The following CEP152 variants were observed in gnomAD, a reference collection of about 807,000 sequenced individuals.
CEP152 encodes centrosomal protein of 152 kDa.
In CEP152, 132 loss-of-function variants were observed where a neutral mutation model predicts 188.9. The observed-to-expected ratio is 0.70, with a 90% CI of 0.61 to 0.81. The LOEUF is 0.81. CEP152 is among the 30% of genes least tolerant of loss of function. The pLI is 0.00. For missense variants in CEP152, 1,914 were observed against 1,969.8 expected, an observed-to-expected ratio of 0.97 and a Z score of 0.54; for synonymous variants, 649 against 666.6, an observed-to-expected ratio of 0.97 and a Z score of 0.41.
intron 2 of CEP152, among the ~76,000 whole-genome samples, chr15:48,802,163 A>G (rs1204939662): frequency 6.6e-5 from 10 of 152,316 alleles, no homozygotes; most frequent in Non-Finnish European, 1.2e-4. Flanking sequence ...TTAGGTGAAA[A>G]GCATTTTTGC....
intron 20 of CEP152, 29 bp downstream of exon 20, chr15:48,755,874 A>C (rs1179004696): frequency 1.2e-6 from 2 of 1,612,444 alleles, no homozygotes; most frequent in Admixed American, 3.3e-5. Flanking sequence ...CTTGGTGTTC[A>C]ATACCTTCTC....
At chr15:48,787,233 T>C (rs1354934029) in intron 9 of CEP152, among the ~76,000 whole-genome samples, 1 of 140,106 alleles carries the variant, frequency 7.1e-6, no homozygotes, top group Non-Finnish European at 1.5e-5. Flanking sequence ...AGTGGTGCAA[T>C]CATGGCTCAC....
chr15:48,758,096 A>G (rs1415589488), intron 19 of CEP152, among the ~76,000 whole-genome samples: 2 of 152,200 alleles, frequency 1.3e-5, no homozygotes, highest in East Asian at 3.9e-4. Flanking sequence ...ATACAAAACA[A>G]AGTTTAAGGG....
chr15:48,787,108 A>G (rs952369327), intron 9 of CEP152, among the ~76,000 whole-genome samples: 1 of 150,384 alleles, frequency 6.6e-6, no homozygotes, highest in African/African-American at 2.4e-5. Flanking sequence ...CTACATCTCA[A>G]ATTCTGTTTA....
intron 18 of CEP152, among the ~76,000 whole-genome samples, 160 bp from the exon 19 acceptor site, chr15:48,760,426 T>A (rs943331419): frequency 1.8e-4 from 28 of 152,220 alleles, no homozygotes; most frequent in Non-Finnish European, 3.5e-4. Flanking sequence ...AACAGTGGAT[T>A]CTAATCCTTT....
At chr15:48,743,588 C>A (rs1566976006) in intron 24 of CEP152, among the ~76,000 whole-genome samples, 1 of 152,168 alleles carries the variant, frequency 6.6e-6, no homozygotes, top group Non-Finnish European at 1.5e-5. Context: ...GGAGGCCGGG[C>A]ACAGTGGCTC....
chr15:48,794,282 G>T (rs1228256396), intron 6 of CEP152, among the ~76,000 whole-genome samples: 2 of 152,080 alleles, frequency 1.3e-5, no homozygotes, highest in Non-Finnish European at 2.9e-5. Flanking sequence ...AAAAAGGATT[G>T]GTAGGTATGC....
Position 48,782,229 on chromosome 15 carries a change from C to T in CEP152, c.1323G>A (p.Gly441=). The T allele has an allele frequency of 1.2e-6, 2 of 1,613,620 alleles. No homozygotes were observed. The highest frequency in any genetic ancestry group is 1.7e-6 in the Non-Finnish European group (2 of 1,179,694). The change falls in exon 11 of 27, where the codon GGG becomes GGA. Residue 441 remains glycine (G), a splice_region_variant and synonymous_variant. Coordinates refer to ENST00000380950, the MANE Select transcript of CEP152 (RefSeq NM_001194998.2). The part of the protein sequence containing the change: ...QKQCAHLLQS[G]SVQEVAQLQF... ...GTAGCTGAGCCACCTCTTGTACTGA[C>T]CCTGCAGAGGAAAGAACCATAGGAT...
intron 7 of CEP152, among the ~76,000 whole-genome samples, chr15:48,791,747 C>A (rs1316795860): frequency 6.6e-6 from 1 of 151,720 alleles, no homozygotes; most frequent in African/African-American, 2.4e-5. Flanking sequence ...GAACTCCTAA[C>A]CTCAAGTGAT....
intron 20 of CEP152, among the ~76,000 whole-genome samples, chr15:48,753,444 T>C (rs370051989): frequency 6.6e-6 from 1 of 152,232 alleles, no homozygotes; most frequent in Non-Finnish European, 1.5e-5. Context: ...ATACTATATA[T>C]GCCTGATTCT....
chr15:48,790,819 C>T (rs557472607), intron 8 of CEP152, among the ~76,000 whole-genome samples: 28 of 152,294 alleles, frequency 1.8e-4, no homozygotes, highest in African/African-American at 6.5e-4. Context: ...TCGACCGCCT[C>T]GGCTTCCCAA....
At chr15:48,765,636 ATTTTTTTTTTTTTTTTTTT>A (rs34837739) in intron 17 of CEP152, 23 of 189,450 alleles carry the variant, frequency 1.2e-4, no homozygotes, top group African/African-American at 8.9e-4. Flanking sequence ...GTTCTTGCCA[ATTTTTTTTTTTTTTTTTTT>A]TTTTTTTTTT....
At chr15:48,806,056 AT>A (rs944639260) in intron 1 of CEP152, among the ~76,000 whole-genome samples, 6 of 151,590 alleles carry the variant, frequency 4.0e-5, no homozygotes, top group East Asian at 1.9e-4. Flanking sequence ...CTATTGCTTC[AT>A]TTTTTTTTAA....
intron 12 of CEP152, among the ~76,000 whole-genome samples, chr15:48,777,484 G>GTGTGTGTGTGTC (rs1895989097): frequency 6.6e-6 from 1 of 151,724 alleles, no homozygotes; most frequent in South Asian, 2.1e-4. Flanking sequence ...GTGTGTGTGT[G>GTGTGTGTGTGTC]TGTGTGTGTG....
chr15:48,779,822 T>C (rs1299293311), intron 12 of CEP152, among the ~76,000 whole-genome samples: 2 of 152,242 alleles, frequency 1.3e-5, no homozygotes, highest in African/African-American at 4.8e-5. Flanking sequence ...TTTATGTAAA[T>C]CTGTCTAAAA....
chr15:48,797,203 T>C lies in CEP152; in HGVS notation c.540+98A>G, dbSNP rs565004585. 1.5e-4 allele frequency: 208 copies of C among 1,379,842 alleles called. 3 individuals carry two copies. In the South Asian group the frequency reaches 2.1e-3, roughly 14 times the overall value. 85.5% of individuals were successfully genotyped at this position (1,379,842 alleles called of 1,614,324 possible). On this transcript the variant is annotated intron_variant, in intron 5 of 26. Coordinates refer to ENST00000380950, the MANE Select transcript of CEP152 (RefSeq NM_001194998.2). ...CAGAACTTCGTGTGGTTAAATCATC[T>C]TACCATTGTACTCACATACATTTCC... is the stretch of plus-strand genomic sequence containing the variant.
intron 12 of CEP152, among the ~76,000 whole-genome samples, chr15:48,776,215 T>C (rs762473947): frequency 7.2e-5 from 11 of 152,140 alleles, no homozygotes; most frequent in Admixed American, 5.2e-4. Flanking sequence ...TTCCATGTTT[T>C]TTATATGGTA....
At chr15:48,791,456 C>G (rs1250297438) in intron 7 of CEP152, 80 bp from the exon 8 acceptor site, 3 of 1,207,642 alleles carry the variant, frequency 2.5e-6, no homozygotes, top group Non-Finnish European at 3.6e-6. Flanking sequence ...GATGTCACGT[C>G]TGTATCATAT....
At chr15:48,733,458 A>G (rs771351721), downstream of CEP152, among the ~76,000 whole-genome samples, 23 of 152,252 alleles carry the variant, frequency 1.5e-4, no homozygotes, top group Non-Finnish European at 3.2e-4. Context: ...AAACTTGCAC[A>G]TAGATTAATA....
Sources: gnomAD v4.1 joint callset for allele counts (sites outside exome capture counted in the v4.1 genomes callset) on GRCh38, gnomAD v4.1.1 for gene constraint, MANE v1.5 for transcripts, NCBI Gene and HGNC (gene_info 2026-07-23, HGNC 2026-07-21) for gene names.